Variants in INPP4B observed in about 807,000 individuals in gnomAD.
The protein encoded by INPP4B is inositol polyphosphate 4-phosphatase type II.
INPP4B carries 55 observed loss-of-function variants against 122.5 expected under a neutral mutation model. That is an observed-to-expected ratio of 0.45 (90% CI 0.36 to 0.56). The LOEUF is 0.56. Ranked by LOEUF, INPP4B falls within the 20% of genes least tolerant of loss-of-function variation. The pLI is 0.00. For missense variants in INPP4B, 1,000 were observed against 1,097.7 expected (o/e 0.91, Z 1.26); for synonymous variants, 403 against 388.7 (o/e 1.04, Z -0.43).
intron 15 of INPP4B, among the ~76,000 whole-genome samples, chr4:142,184,674 C>CT (rs775319825): frequency 6.6e-6 from 1 of 152,152 alleles, no homozygotes; most frequent in Non-Finnish European, 1.5e-5. Flanking sequence ...CACATACAGT[C>CT]TAGAGGGATT....
At chr4:142,277,682 T>TACAA (rs1749232842) in intron 9 of INPP4B, among the ~76,000 whole-genome samples, 1 of 147,068 alleles carries the variant, frequency 6.8e-6, no homozygotes, top group Admixed American at 6.8e-5. Flanking sequence ...CACACACACA[T>TACAA]ACACACACAC....
chr4:142,438,032 C>G (rs568337598), intron 3 of INPP4B, among the ~76,000 whole-genome samples: 1 of 152,122 alleles, frequency 6.6e-6, no homozygotes, highest in East Asian at 1.9e-4. Flanking sequence ...CTATAAACCA[C>G]TGCTCAAGGT....
At chr4:142,480,978 T>C (rs1011659947) in intron 2 of INPP4B, among the ~76,000 whole-genome samples, 2 of 151,444 alleles carry the variant, frequency 1.3e-5, no homozygotes, top group Non-Finnish European at 2.9e-5. Context: ...CTACTAAAAA[T>C]ATAAAAATTA....
At chr4:142,433,322 A>G (rs1380430743) in intron 3 of INPP4B, among the ~76,000 whole-genome samples, 1 of 152,180 alleles carries the variant, frequency 6.6e-6, no homozygotes, top group Non-Finnish European at 1.5e-5. Context: ...GTATACCACA[A>G]GCATACTTAA....
chr4:142,378,309 C>A (rs991187672), intron 7 of INPP4B, among the ~76,000 whole-genome samples: 1 of 152,110 alleles, frequency 6.6e-6, no homozygotes, highest in Non-Finnish European at 1.5e-5. Flanking sequence ...TAGCCTTGAC[C>A]CCTAGGTACA....
Position 142,713,819 on chromosome 4 carries a change from C to T in INPP4B, c.-191+12020G>A, listed in dbSNP as rs1763412153. Among the ~76,000 whole-genome samples, 3 of 152,170 alleles carry T rather than the reference C, an allele frequency of 2.0e-5. 1 individual carries two copies. In the South Asian group the frequency reaches 6.2e-4, roughly 32 times the overall value. ...TTAAGATCCTGCTCATTTAGGAAAG[C>T]CAATCTGTCTAAACAAATGCTAATG... On this transcript the variant is annotated intron_variant, in intron 2 of 25. Transcript: ENST00000262992.
intron 2 of INPP4B, among the ~76,000 whole-genome samples, chr4:142,574,316 T>C (rs1416298637): frequency 6.6e-6 from 1 of 152,102 alleles, no homozygotes; most frequent in Non-Finnish European, 1.5e-5. Flanking sequence ...TTTCCTGACC[T>C]AAAATCTCTG....
At chr4:142,758,269 T>A (rs1268039711) in intron 1 of INPP4B, among the ~76,000 whole-genome samples, 1 of 152,120 alleles carries the variant, frequency 6.6e-6, no homozygotes. Flanking sequence ...GAAAGTAACA[T>A]ATTTATGTTG....
At chr4:142,106,135 C>A (rs1383667163) in intron 23 of INPP4B, among the ~76,000 whole-genome samples, 2 of 152,124 alleles carry the variant, frequency 1.3e-5, no homozygotes, top group Non-Finnish European at 2.9e-5. Flanking sequence ...AGAAAACAAT[C>A]CAGTATGTTC....
At chr4:142,814,614 A>ATG (rs1236865037) in intron 1 of INPP4B, among the ~76,000 whole-genome samples, 6 of 152,076 alleles carry the variant, frequency 3.9e-5, no homozygotes, top group Non-Finnish European at 1.5e-5. Flanking sequence ...TGGCTGACCT[A>ATG]AAAGCTACAC....
intron 1 of INPP4B, among the ~76,000 whole-genome samples, chr4:142,743,315 G>C (rs1019541666): frequency 1.3e-5 from 2 of 151,952 alleles, no homozygotes; most frequent in African/African-American, 4.8e-5. Context: ...GCTCTTAGAA[G>C]GCAGAGATTA....
intron 7 of INPP4B, among the ~76,000 whole-genome samples, chr4:142,358,671 A>AC (rs1784419592): frequency 6.7e-6 from 1 of 149,544 alleles, no homozygotes; most frequent in East Asian, 2.0e-4. Flanking sequence ...AAAAAAAAAA[A>AC]CTCCCAGGTG....
At chr4:142,748,694 T>C (rs375018935) in intron 1 of INPP4B, among the ~76,000 whole-genome samples, 1 of 151,150 alleles carries the variant, frequency 6.6e-6, no homozygotes. Flanking sequence ...AATTGAATGA[T>C]ATTCTTCCCT....
At chr4:142,513,031 T>A (rs1006700978) in intron 2 of INPP4B, among the ~76,000 whole-genome samples, 3 of 152,214 alleles carry the variant, frequency 2.0e-5, no homozygotes, top group Non-Finnish European at 2.9e-5. Context: ...TCTTAAAATG[T>A]CATTAAGAAC....
chr4:142,689,088 G>A (rs1759779329), intron 2 of INPP4B, among the ~76,000 whole-genome samples: 1 of 152,152 alleles, frequency 6.6e-6, no homozygotes, highest in African/African-American at 2.4e-5. Flanking sequence ...ACTGATTTAA[G>A]TAATAATAAA....
intron 25 of INPP4B, chr4:142,029,811 T>A (rs142494397): frequency 9.9e-7 from 1 of 1,010,480 alleles, no homozygotes; most frequent in African/African-American, 1.7e-5. Context: ...TTAATAAATT[T>A]AGTGGGATGA....
At chr4:142,101,539 A>G (rs1010198096) in intron 23 of INPP4B, among the ~76,000 whole-genome samples, 4 of 152,268 alleles carry the variant, frequency 2.6e-5, no homozygotes, top group Non-Finnish European at 4.4e-5. Flanking sequence ...GGTATCTGTT[A>G]ACATGTGATA....
chr4:142,747,257 C>A (rs957464976), intron 1 of INPP4B, among the ~76,000 whole-genome samples: 4 of 151,720 alleles, frequency 2.6e-5, no homozygotes, highest in Non-Finnish European at 5.9e-5. Context: ...ATGTGGCCAA[C>A]AAACATGAAA....
chr4:142,787,720 T>TA (rs1176241307), intron 1 of INPP4B, among the ~76,000 whole-genome samples: 2 of 151,762 alleles, frequency 1.3e-5, no homozygotes, highest in Admixed American at 6.6e-5. Context: ...GTTTAAAGAA[T>TA]AAAAAAATCC....
Sources: gnomAD v4.1 joint callset for allele counts (sites outside exome capture counted in the v4.1 genomes callset) on GRCh38, gnomAD v4.1.1 for gene constraint, MANE v1.5 for transcripts, NCBI Gene and HGNC (gene_info 2026-07-23, HGNC 2026-07-21) for gene names.